FOXN3: variants seen among roughly 807,000 people sequenced by gnomAD.
FOXN3 encodes forkhead box N3, also known as forkhead box protein N3.
A neutral mutation model predicts 38.4 loss-of-function variants in FOXN3; 7 were observed. The observed-to-expected ratio is 0.18, with a 90% CI of 0.10 to 0.34. The LOEUF (loss-of-function observed/expected upper bound fraction) is 0.34. FOXN3 is among the 10% of genes least tolerant of loss of function. FOXN3 has a pLI of 1.00. For missense variants in FOXN3, 456 were observed against 613.4 expected, an observed-to-expected ratio of 0.74 and a Z score of 2.71; for synonymous variants, 230 against 242.2, an observed-to-expected ratio of 0.95 and a Z score of 0.47.
rs74076957 is a variant in FOXN3, at chr14:89,168,138, C to A, written c.852-5169G>T. On this transcript the variant is annotated intron_variant, in intron 5 of 5. Coordinates refer to ENST00000557258, the MANE Select transcript of FOXN3 (RefSeq NM_005197.4). ...CATTAAACACAATGGGAATAAGCCACCATAAGCAAAGAGACAAGAGAACAG... is the reference window on the plus strand; with the variant it reads ...CATTAAACACAATGGGAATAAGCCAACATAAGCAAAGAGACAAGAGAACAG... 1.9e-3 allele frequency among the ~76,000 whole-genome samples: 283 copies of A among 152,110 alleles called. 1 individual carries two copies. The highest frequency in any genetic ancestry group is 6.3e-3 in the African/African-American group (263 of 41,480).
intron 1 of FOXN3, among the ~76,000 whole-genome samples, chr14:89,595,988 ATACTAAATAACACT>A (rs1364186756): frequency 2.0e-5 from 3 of 152,206 alleles, no homozygotes; most frequent in Non-Finnish European, 2.9e-5. Context: ...TGCTGCTAAT[ATACTAAATAACACT>A]TACTGATTTC....
chr14:89,572,348 C>G (rs912333196), intron 1 of FOXN3, among the ~76,000 whole-genome samples: 2 of 152,186 alleles, frequency 1.3e-5, no homozygotes, highest in African/African-American at 4.8e-5. Context: ...TTTGTATTCT[C>G]CCTTGTGTTT....
At chr14:89,192,281 T>C (rs1020240095) in intron 4 of FOXN3, among the ~76,000 whole-genome samples, 8 of 146,220 alleles carry the variant, frequency 5.5e-5, no homozygotes, top group Non-Finnish European at 1.0e-4. Context: ...AGTACTTATA[T>C]ATACTATATA....
intron 4 of FOXN3, among the ~76,000 whole-genome samples, chr14:89,229,149 CT>C (rs1884726345): frequency 6.6e-6 from 1 of 152,264 alleles, no homozygotes; most frequent in African/African-American, 2.4e-5. Flanking sequence ...AGGATGGCTG[CT>C]CTCCAGCACT....
At chr14:89,405,198 G>T (rs563429064) in intron 2 of FOXN3, among the ~76,000 whole-genome samples, 1 of 152,032 alleles carries the variant, frequency 6.6e-6, no homozygotes, top group Non-Finnish European at 1.5e-5. Flanking sequence ...GTGTAGTGGC[G>T]TGATCTTCAC....
chr14:89,253,451 C>T (rs1566939523), intron 4 of FOXN3, among the ~76,000 whole-genome samples: 2 of 152,084 alleles, frequency 1.3e-5, no homozygotes, highest in African/African-American at 2.4e-5. Flanking sequence ...ATGCTGCCCA[C>T]GTGGGAGATC....
At chr14:89,534,468 C>T (rs1244506087) in intron 1 of FOXN3, among the ~76,000 whole-genome samples, 1 of 152,054 alleles carries the variant, frequency 6.6e-6, no homozygotes, top group Non-Finnish European at 1.5e-5. Context: ...GGAATTTTAC[C>T]TTTTAGCCCT....
At chr14:89,613,135 A>AC (rs956216484) in intron 1 of FOXN3, among the ~76,000 whole-genome samples, 3 of 151,156 alleles carry the variant, frequency 2.0e-5, no homozygotes, top group Non-Finnish European at 4.4e-5. Flanking sequence ...AAAAAAAAAA[A>AC]AAAAAACTCT....
rs749795010 is a variant in FOXN3, at chr14:89,511,189, C to CT, written c.-14-98700dup. ...TCTTTCTTTCTTTCTTTCTTTCTTT[C>CT]TTTTCTTTCTTTCTTTTCTTTCTTT... On this transcript the variant is annotated intron_variant, in intron 1 of 6. Coordinates refer to the FOXN3 transcript ENST00000345097. 2.1e-4 allele frequency among the ~76,000 whole-genome samples: 3 copies of CT among 14,224 alleles called. 1 individual carries two copies. The highest frequency in any genetic ancestry group is 1.5e-3 in the Non-Finnish European group (3 of 2,064). The allele number at this position is 14,224 out of a possible 152,430, so 9.3% of individuals were successfully genotyped here. A position where few individuals can be genotyped will look rare whatever the true frequency, so the allele number is the denominator to read the frequency against.
chr14:89,437,838 G>C (rs1040563550), intron 1 of FOXN3, among the ~76,000 whole-genome samples: 8 of 152,144 alleles, frequency 5.3e-5, no homozygotes, highest in Admixed American at 4.6e-4. Context: ...TCTTGTGCAA[G>C]ATCCAAGGAC....
chr14:89,539,529 G>C (rs531102521), intron 1 of FOXN3, among the ~76,000 whole-genome samples: 3 of 152,140 alleles, frequency 2.0e-5, no homozygotes, highest in Non-Finnish European at 2.9e-5. Context: ...AAGTAGGGTC[G>C]ATAACAAAAT....
At chr14:89,255,100 C>G (rs1885576165) in intron 4 of FOXN3, among the ~76,000 whole-genome samples, 1 of 152,308 alleles carries the variant, frequency 6.6e-6, no homozygotes, top group East Asian at 1.9e-4. Context: ...TCTCTGAACA[C>G]AGGGAGCACA....
Position 89,511,264 on chromosome 14 carries a change from T to A in FOXN3, c.-14-98774A>T, listed in dbSNP as rs373256256. ...TTTCTTTCTTTTCTTTCTTTCTTTC[T>A]TTCTTTCTTTCTTTCTTTCTTTCTT... On this transcript the variant is annotated intron_variant, in intron 1 of 6. Coordinates refer to the FOXN3 transcript ENST00000345097. Among the ~76,000 whole-genome samples, 2 of 26,918 alleles carry A rather than the reference T, an allele frequency of 7.4e-5. 1 individual carries two copies. The allele number at this position is 26,918 out of a possible 152,430, so 17.7% of individuals were successfully genotyped here. A position where few individuals can be genotyped will look rare whatever the true frequency, so the allele number is the denominator to read the frequency against.
At chr14:89,293,604 G>C (rs1886945207) in intron 3 of FOXN3, among the ~76,000 whole-genome samples, 1 of 152,124 alleles carries the variant, frequency 6.6e-6, no homozygotes, top group African/African-American at 2.4e-5. Context: ...ACGTCATGTT[G>C]AGTCGAGGGT....
chr14:89,274,111 T>C (rs568226896), intron 4 of FOXN3, among the ~76,000 whole-genome samples: 18 of 151,948 alleles, frequency 1.2e-4, no homozygotes, highest in African/African-American at 4.3e-4. Flanking sequence ...TCCAACCAAA[T>C]GGGAAAGCAA....
rs139985394 is a variant in FOXN3 at position 89,163,309 on chromosome 14, C to T, written c.852-340G>A. Reference sequence around the variant, plus strand: ...TCAAGCTGTGCTTGGTTCGTGTCCCCGCCAACACCACAGAGTCAGACACCG... The same window carrying T: ...TCAAGCTGTGCTTGGTTCGTGTCCCTGCCAACACCACAGAGTCAGACACCG... On this transcript the variant is annotated intron_variant, in intron 5 of 5. Coordinates refer to ENST00000557258, the MANE Select transcript of FOXN3 (RefSeq NM_005197.4). This position sits in a 1 kb window ranked among gnomAD's most constrained non-coding sequence, Gnocchi z 4.3. Among the ~76,000 whole-genome samples the T allele has an allele frequency of 4.6e-5, 7 of 152,318 alleles. No homozygotes were observed. The highest frequency in any genetic ancestry group is 1.9e-4 in the East Asian group (1 of 5,180).
chr14:89,433,461 G>A (rs550869388), intron 1 of FOXN3, among the ~76,000 whole-genome samples: 18 of 152,174 alleles, frequency 1.2e-4, no homozygotes, highest in Admixed American at 6.5e-4. Context: ...CAGCCTGGGC[G>A]ACTAAGCGAG....
chr14:89,315,378 C>T (rs781759976), intron 3 of FOXN3, among the ~76,000 whole-genome samples: 1 of 152,096 alleles, frequency 6.6e-6, no homozygotes, highest in Non-Finnish European at 1.5e-5. Context: ...AAAATAAGAT[C>T]GTTACAACGA....
At chr14:89,254,427 G>A (rs1885554348) in intron 4 of FOXN3, among the ~76,000 whole-genome samples, 1 of 152,146 alleles carries the variant, frequency 6.6e-6, no homozygotes, top group Non-Finnish European at 1.5e-5. Flanking sequence ...GGTGGTGCAG[G>A]GAAAGGAGCG....
Sources: gnomAD v4.1 joint callset for allele counts (sites outside exome capture counted in the v4.1 genomes callset) on GRCh38, gnomAD v4.1.1 for gene constraint, Gnocchi (gnomAD v3.1) non-coding constraint, MANE v1.5 for transcripts, NCBI Gene and HGNC (gene_info 2026-07-23, HGNC 2026-07-21) for gene names.